The following ARHGAP15 variants were observed in gnomAD, a reference collection of about 807,000 sequenced individuals.
ARHGAP15 encodes rho GTPase-activating protein 15.
Under a neutral mutation model 63.7 loss-of-function variants are expected in ARHGAP15, and 51 were observed. The ratio of observed to expected loss-of-function variants is 0.80; its 90% CI spans 0.64 to 1.01. ARHGAP15 has a LOEUF of 1.01. ARHGAP15 is among the 50% of genes least tolerant of loss of function. ARHGAP15 has a pLI of 0.00. For synonymous variants in ARHGAP15, 191 were observed against 193.8 expected (o/e 0.99, Z 0.12); for missense variants, 560 against 564.6 (o/e 0.99, Z 0.08).
chr2:143,560,640 C>A (rs1247819070), intron 11 of ARHGAP15, among the ~76,000 whole-genome samples: 1 of 152,214 alleles, frequency 6.6e-6, no homozygotes, highest in Non-Finnish European at 1.5e-5. Flanking sequence ...TACACCCCGC[C>A]TCTTGGTGTT....
At chr2:143,433,995 T>C (rs1284274500) in intron 6 of ARHGAP15, among the ~76,000 whole-genome samples, 3 of 152,070 alleles carry the variant, frequency 2.0e-5, no homozygotes, top group Non-Finnish European at 4.4e-5. Flanking sequence ...ATAAAGTAAA[T>C]ATTTGGAACT....
chr2:143,277,645 T>G (rs1681627086), intron 6 of ARHGAP15, among the ~76,000 whole-genome samples: 1 of 151,942 alleles, frequency 6.6e-6, no homozygotes, highest in African/African-American at 2.4e-5. Flanking sequence ...CATGGTGCAA[T>G]GGGGTCACAA....
intron 13 of ARHGAP15, among the ~76,000 whole-genome samples, chr2:143,747,457 A>G (rs1364341644): frequency 6.6e-6 from 1 of 152,192 alleles, no homozygotes; most frequent in Non-Finnish European, 1.5e-5. Flanking sequence ...ACCAATGTGT[A>G]ATGACATGTA....
At chr2:143,272,980 T>A (rs1010587047) in intron 6 of ARHGAP15, among the ~76,000 whole-genome samples, 2 of 152,180 alleles carry the variant, frequency 1.3e-5, no homozygotes, top group Admixed American at 1.3e-4. Context: ...AAAGTACTGA[T>A]GTCAATATAG....
intron 12 of ARHGAP15, among the ~76,000 whole-genome samples, chr2:143,670,690 A>C (rs2105347644): frequency 6.6e-6 from 1 of 152,266 alleles, no homozygotes; most frequent in South Asian, 2.1e-4. Context: ...CATCTACCCA[A>C]GTCCTCATTG....
chr2:143,330,118 A>AC (rs1320812105), intron 6 of ARHGAP15, among the ~76,000 whole-genome samples: 1,183 of 60,590 alleles, frequency 0.02, 84 homozygotes, highest in African/African-American at 0.053. Context: ...AAAAAAAAAA[A>AC]AAAAAAAAAA....
intron 6 of ARHGAP15, among the ~76,000 whole-genome samples, chr2:143,416,870 A>T (rs1318425494): frequency 3.7e-5 from 3 of 80,696 alleles, no homozygotes; most frequent in Non-Finnish European, 7.2e-5. Context: ...ACACCACTCC[A>T]CCAGAAGCTT....
At chr2:143,690,018 CTG>C (rs1275826170) in intron 12 of ARHGAP15, among the ~76,000 whole-genome samples, 2 of 152,198 alleles carry the variant, frequency 1.3e-5, no homozygotes, top group Non-Finnish European at 2.9e-5. Flanking sequence ...ACAGCATTAA[CTG>C]TGTAGGAAAA....
At chr2:143,397,316 ATGTGTGTGTG>A (rs71411383) in intron 6 of ARHGAP15, among the ~76,000 whole-genome samples, 23 of 147,732 alleles carry the variant, frequency 1.6e-4, no homozygotes, top group African/African-American at 5.0e-4. Flanking sequence ...TGAGATATGT[ATGTGTGTGTG>A]TGTGTGTGTG....
At chr2:143,650,267 A>G (rs1026364090) in intron 12 of ARHGAP15, among the ~76,000 whole-genome samples, 35 of 152,012 alleles carry the variant, frequency 2.3e-4, no homozygotes, top group African/African-American at 8.2e-4. Flanking sequence ...TGGCACTATC[A>G]TTATTCAAAC....
chr2:143,533,850 CTT>C (rs959607277), intron 10 of ARHGAP15, among the ~76,000 whole-genome samples: 2 of 152,138 alleles, frequency 1.3e-5, no homozygotes, highest in African/African-American at 2.4e-5. Flanking sequence ...TATTTTAAAA[CTT>C]AAGAGCAGAT....
At chr2:143,435,172 A>C (rs1224347252) in intron 6 of ARHGAP15, 1 of 787,910 alleles carries the variant, frequency 1.3e-6, no homozygotes, top group Non-Finnish European at 1.5e-6. Flanking sequence ...AGCTCTCCAT[A>C]AAAGGAAATC....
intron 12 of ARHGAP15, among the ~76,000 whole-genome samples, chr2:143,663,886 A>G (rs1242209396): frequency 1.3e-5 from 2 of 152,232 alleles, no homozygotes. Context: ...TATGCACCCA[A>G]TACAGGAGCA....
intron 6 of ARHGAP15, among the ~76,000 whole-genome samples, chr2:143,338,292 A>AT (rs1684897901): frequency 6.6e-6 from 1 of 152,212 alleles, no homozygotes; most frequent in Non-Finnish European, 1.5e-5. Flanking sequence ...ATAGAGCTGT[A>AT]TATTTCATGG....
intron 13 of ARHGAP15, 124 bp downstream of exon 13, chr2:143,703,648 G>A: frequency 1.5e-6 from 1 of 678,260 alleles, no homozygotes; most frequent in South Asian, 2.1e-5. Flanking sequence ...CCTTGTAGCT[G>A]AACTAGGTCT....
intron 11 of ARHGAP15, among the ~76,000 whole-genome samples, chr2:143,566,893 C>CTT (rs11321734): frequency 6.1e-5 from 9 of 146,386 alleles, no homozygotes; most frequent in South Asian, 2.2e-4. Flanking sequence ...CTTGCTGCTG[C>CTT]TTTTTTTTTT....
At chr2:143,668,491 A>G (rs1214993621) in intron 12 of ARHGAP15, among the ~76,000 whole-genome samples, 1 of 152,202 alleles carries the variant, frequency 6.6e-6, no homozygotes, top group African/African-American at 2.4e-5. Context: ...TCCAGCTGAA[A>G]ATACAAATGA....
At chr2:143,149,996 A>G (rs996784813) in intron 1 of ARHGAP15, among the ~76,000 whole-genome samples, 2 of 151,958 alleles carry the variant, frequency 1.3e-5, no homozygotes, top group Non-Finnish European at 2.9e-5. Context: ...TTTTCTTTCC[A>G]TACACAATGT....
chr2:143,209,528 A>C (rs555848876), intron 3 of ARHGAP15, among the ~76,000 whole-genome samples: 1 of 151,788 alleles, frequency 6.6e-6, no homozygotes, highest in South Asian at 2.1e-4. Flanking sequence ...GCATAATTCT[A>C]TAAGTCCAAA....
Sources: allele counts gnomAD v4.1 joint callset (sites outside exome capture counted in the v4.1 genomes callset), GRCh38; gene constraint gnomAD v4.1.1; transcripts MANE v1.5; gene names NCBI Gene and HGNC (gene_info 2026-07-23, HGNC 2026-07-21).